The following CELA2A variants were observed in gnomAD, a reference collection of about 807,000 sequenced individuals.
The protein encoded by CELA2A is chymotrypsin-like elastase family member 2A.
CELA2A carries 31 observed loss-of-function variants against 35.3 expected under a neutral mutation model. That is an observed-to-expected ratio of 0.88 (90% CI 0.66 to 1.19). The LOEUF is 1.19. Among genes scored for constraint, CELA2A ranks in the 50% most tolerant of loss-of-function variants. The probability of loss-of-function intolerance (pLI) is 0.00; values close to 1 mark genes in which losing one functional copy is unlikely to be tolerated. For missense variants in CELA2A, 330 were observed against 352.9 expected, an observed-to-expected ratio of 0.94 and a Z score of 0.52; for synonymous variants, 150 against 149.8, an observed-to-expected ratio of 1.00 and a Z score of -0.01.
At chr1:15,457,902 T>C (rs1052119015) in intron 2 of CELA2A, among the ~76,000 whole-genome samples, 21 of 152,206 alleles carry the variant, frequency 1.4e-4, no homozygotes, top group African/African-American at 5.1e-4. Context: ...AAAAAATGTT[T>C]TCTTAAGTTG....
chr1:15,471,760 G>C (rs1708597066), intron 7 of CELA2A, among the ~76,000 whole-genome samples: 1 of 152,116 alleles, frequency 6.6e-6, no homozygotes, highest in Non-Finnish European at 1.5e-5. Context: ...AGCCCACACA[G>C]GACTCCTGGC....
intron 4 of CELA2A, chr1:15,463,077 G>C: frequency 1.3e-6 from 1 of 794,174 alleles, no homozygotes; most frequent in East Asian, 2.7e-5. Flanking sequence ...AGAGCGACCT[G>C]GGTTTGCTGC....
chr1:15,466,103 A>G lies in CELA2A; in HGVS notation c.598A>G (p.Met200Val). The change falls in exon 6 of 8, where the codon ATG becomes GTG. Residue 200 changes from methionine to valine, a missense_variant. Transcript: ENST00000359621. ...GTGGGGCAGCAGCGTGAAAACCAGTATGATCTGTGCTGGGGGTGATGGCGT... is the reference window on the plus strand; with the variant it reads ...GTGGGGCAGCAGCGTGAAAACCAGTGTGATCTGTGCTGGGGGTGATGGCGT... ...AWWGSSVKTS[M>V]ICAGGDGVIS... The G allele has an allele frequency of 6.2e-7, 1 of 1,614,090 alleles. No homozygotes were observed. The highest frequency in any genetic ancestry group is 1.1e-5 in the South Asian group (1 of 91,082).
At chr1:15,471,870 T>A in intron 7 of CELA2A, 120 bp from the exon 8 acceptor site, 1 of 1,180,566 alleles carries the variant, frequency 8.5e-7, no homozygotes, top group Non-Finnish European at 1.3e-6. Flanking sequence ...CAGGAGCTAC[T>A]GTAGTGTGGG....
intron 7 of CELA2A, among the ~76,000 whole-genome samples, chr1:15,469,635 T>C (rs1557519897): frequency 6.6e-6 from 1 of 152,096 alleles, no homozygotes; most frequent in African/African-American, 2.4e-5. Context: ...TGCCAACAAG[T>C]GGTCACAAGC....
intron 2 of CELA2A, among the ~76,000 whole-genome samples, chr1:15,461,034 G>T (rs187395734): frequency 6.6e-6 from 1 of 152,236 alleles, no homozygotes; most frequent in East Asian, 1.9e-4. Flanking sequence ...TTCACGCAGC[G>T]GTAGCAGGGA....
intron 2 of CELA2A, among the ~76,000 whole-genome samples, chr1:15,458,435 T>C (rs1404746431): frequency 1.3e-5 from 2 of 152,208 alleles, no homozygotes; most frequent in Admixed American, 1.3e-4. Flanking sequence ...TCAAATTTCA[T>C]TATTACAAGC....
intron 5 of CELA2A, among the ~76,000 whole-genome samples, chr1:15,463,896 A>T (rs1708475527): frequency 6.6e-6 from 1 of 152,046 alleles, no homozygotes; most frequent in African/African-American, 2.4e-5. Flanking sequence ...TATTAAAAAA[A>T]AAAAAAATAG....
In CELA2A at chr1:15,459,347, T is replaced by TTA. The variant is rs1553136199; in HGVS notation, c.129+2173_129+2174insTA. On this transcript the variant is annotated intron_variant, in intron 2 of 7. Transcript: ENST00000359621. ...CCGGTTAAGTTTCTTTTTTTTTTTT[T>TTA]AGAGATGGGTCTCACTATGTTGCCC... Among the ~76,000 whole-genome samples the TTA allele has an allele frequency of 5.4e-4, 81 of 149,562 alleles. No individual in the cohort carries two copies. In the East Asian group the frequency reaches 6.9e-3, roughly 13 times the overall value.
chr1:15,463,785 C>T (rs1182059336), intron 5 of CELA2A, among the ~76,000 whole-genome samples: 1 of 152,088 alleles, frequency 6.6e-6, no homozygotes, highest in Non-Finnish European at 1.5e-5. Flanking sequence ...CGCAGTGGCT[C>T]ATACCTGTAA....
At chr1:15,465,173 G>A (rs1292804225) in intron 5 of CELA2A, among the ~76,000 whole-genome samples, 2 of 151,698 alleles carry the variant, frequency 1.3e-5, no homozygotes, top group African/African-American at 2.4e-5. Flanking sequence ...CACCATGCCC[G>A]GGTAATTTTT....
In CELA2A at chr1:15,467,478, C is replaced by T. The variant is rs1480303890; in HGVS notation, c.732C>T (p.Asn244=). Residue 244 remains asparagine (N), a synonymous_variant, in exon 7 of 8, where the codon AAC becomes AAT. Coordinates refer to ENST00000359621, the MANE Select transcript of CELA2A (RefSeq NM_033440.3). Reference sequence around the variant, plus strand: ...GCTTCGGGTCTCGCCTCGGCTGCAACTACTACCACAAGCCCTCCGTCTTCA... The same window carrying T: ...GCTTCGGGTCTCGCCTCGGCTGCAATTACTACCACAAGCCCTCCGTCTTCA... ...IVSFGSRLGC[N]YYHKPSVFTR... 3.1e-6 allele frequency: 5 copies of T among 1,614,190 alleles called. No homozygotes were observed. The highest frequency in any genetic ancestry group is 4.2e-6 in the Non-Finnish European group (5 of 1,180,044).
rs1298323583 is a variant in CELA2A at position 15,467,383 on chromosome 1, C to G, written c.640-3C>G. 6.2e-7 allele frequency: 1 copy of G among 1,612,872 alleles called. No homozygotes were observed. Among genetic ancestry groups the G allele is most frequent in the East Asian group, 2.2e-5 (1 of 44,880 alleles). On this transcript the variant is annotated splice_polypyrimidine_tract_variant and splice_region_variant and intron_variant, in intron 6 of 7. Coordinates refer to ENST00000359621, the MANE Select transcript of CELA2A (RefSeq NM_033440.3). ...ACCTGCCTATAACTCTGGCCTTCCT[C>G]AGGGAGACTCTGGCGGGCCACTGAA...
chr1:15,462,504 A>G (rs1015315613), intron 3 of CELA2A, among the ~76,000 whole-genome samples: 1 of 152,102 alleles, frequency 6.6e-6, no homozygotes, highest in Admixed American at 6.6e-5. Flanking sequence ...TATAACTTTT[A>G]TTTTATATTG....
chr1:15,461,791 C>A, intron 3 of CELA2A, 133 bp downstream of exon 3: 2 of 1,009,802 alleles, frequency 2.0e-6, no homozygotes, highest in Non-Finnish European at 3.1e-6. Context: ...GAGACACAAG[C>A]TGTAGTCAAT....
At chr1:15,457,266 C>A in intron 2 of CELA2A, 92 bp downstream of exon 2, 6 of 1,255,250 alleles carry the variant, frequency 4.8e-6, no homozygotes, top group Non-Finnish European at 6.9e-6. Context: ...ATTGTGCTGG[C>A]AAAGTGAGTA....
rs905042952 is a variant in CELA2A at position 15,463,669 on chromosome 1, A to T, written c.493+147A>T. On this transcript the variant is annotated intron_variant, in intron 5 of 7. Coordinates refer to ENST00000359621, the MANE Select transcript of CELA2A (RefSeq NM_033440.3). Reference sequence around the variant, plus strand: ...TGGCATAGGCTGACGCCTGCCTGGGATCAAATGTCAGCTCTCCCACTTAAT... The same window carrying T: ...TGGCATAGGCTGACGCCTGCCTGGGTTCAAATGTCAGCTCTCCCACTTAAT... The T allele has an allele frequency of 6.5e-5, 82 of 1,266,104 alleles. No homozygotes were observed. In the South Asian group the frequency reaches 7.3e-4, roughly 11 times the overall value. The allele number at this position is 1,266,104 out of a possible 1,614,324, so 78.4% of individuals were successfully genotyped here.
intron 2 of CELA2A, among the ~76,000 whole-genome samples, chr1:15,459,243 G>T (rs1708400229): frequency 6.6e-6 from 1 of 151,754 alleles, no homozygotes; most frequent in Non-Finnish European, 1.5e-5. Flanking sequence ...GCTCACAGCG[G>T]CCTCGAACTC....
At chr1:15,462,907 C>G (rs1423752442) in intron 4 of CELA2A, 46 bp downstream of exon 4, 1 of 1,613,020 alleles carries the variant, frequency 6.2e-7, no homozygotes, top group African/African-American at 1.3e-5. Context: ...TGTCAGGGAA[C>G]AGATGGGGGT....
Sources: gnomAD v4.1 joint callset for allele counts (sites outside exome capture counted in the v4.1 genomes callset) on GRCh38, gnomAD v4.1.1 for gene constraint, MANE v1.5 for transcripts, NCBI Gene and HGNC (gene_info 2026-07-23, HGNC 2026-07-21) for gene names.